RAB8A: variants seen among roughly 807,000 people sequenced by gnomAD.
The protein encoded by RAB8A is ras-related protein Rab-8A.
In RAB8A, 5 loss-of-function variants were observed where a neutral mutation model predicts 29.2. That is an observed-to-expected ratio of 0.17 (90% CI 0.09 to 0.36). The LOEUF is 0.36. RAB8A is among the 10% of genes least tolerant of loss of function. The pLI is 1.00. For missense variants in RAB8A, 171 were observed against 272.2 expected (o/e 0.63, Z 2.62); for synonymous variants, 108 against 99.9 (o/e 1.08, Z -0.49).
Position 16,127,500 on chromosome 19 carries a change from C to A in RAB8A, c.388C>A (p.Gln130Lys). The A allele has an allele frequency of 6.5e-7, 1 of 1,541,558 alleles. No individual in the cohort carries two copies. Among genetic ancestry groups the A allele is most frequent in the Non-Finnish European group, 8.7e-7 (1 of 1,147,870 alleles). ...CAAGTGTGATGTGAATGACAAGAGA[C>A]AAGTTTCCAAGGAACGGGGAGAAAA... ...GNKCDVNDKRQVSKERGEKLA... is the reference protein window; with the variant it reads ...GNKCDVNDKRKVSKERGEKLA... Residue 130 changes from glutamine (Q) to lysine (K), a missense_variant, in exon 5 of 8, where the codon CAA (glutamine) becomes AAA (lysine). Physicochemically the swap from Gln to Lys is moderately conservative, Grantham distance 53. Transcript: ENST00000300935. This position sits in a 1 kb window ranked among gnomAD's most constrained non-coding sequence, Gnocchi z 4.8.
intron 1 of RAB8A, among the ~76,000 whole-genome samples, chr19:16,114,924 A>G (rs1337289121): frequency 1.3e-5 from 2 of 148,942 alleles, no homozygotes; most frequent in Non-Finnish European, 3.0e-5. Flanking sequence ...CATAAAGTTT[A>G]CACTTCCTAA....
intron 1 of RAB8A, among the ~76,000 whole-genome samples, chr19:16,116,389 T>TA (rs908216422): frequency 1.1e-4 from 17 of 151,434 alleles, no homozygotes; most frequent in East Asian, 3.8e-4. Context: ...AAAGAGGCTT[T>TA]AAAAAAAAAT....
At chr19:16,131,581 AGATG>A (rs1285036367) in intron 7 of RAB8A, among the ~76,000 whole-genome samples, 3 of 146,788 alleles carry the variant, frequency 2.0e-5, no homozygotes, top group Non-Finnish European at 3.0e-5. Context: ...GGGGGGAAGG[AGATG>A]GATGGGTGGA....
intron 6 of RAB8A, 29 bp from the exon 7 acceptor site, chr19:16,129,525 C>T: frequency 1.9e-6 from 3 of 1,612,564 alleles, no homozygotes; most frequent in Non-Finnish European, 2.5e-6. Flanking sequence ...CCTGCCATCC[C>T]AAGGACTCAC....
chr19:16,114,919 A>T (rs1277274780), intron 1 of RAB8A, among the ~76,000 whole-genome samples: 5 of 151,990 alleles, frequency 3.3e-5, no homozygotes, highest in Non-Finnish European at 5.9e-5. Flanking sequence ...GGCCTCATAA[A>T]GTTTACACTT....
chr19:16,130,849 A>C (rs2090921748), intron 7 of RAB8A, among the ~76,000 whole-genome samples: 1 of 151,446 alleles, frequency 6.6e-6, no homozygotes, highest in South Asian at 2.1e-4. Flanking sequence ...TTTGAGAAGG[A>C]GTCTCGCTCT....
chr19:16,121,676 A>G (rs979145913), intron 2 of RAB8A, 74 bp from the exon 3 acceptor site: 39 of 1,372,676 alleles, frequency 2.8e-5, no homozygotes, highest in African/African-American at 4.3e-5. Flanking sequence ...CATCCCGGGT[A>G]GATGCTCCTT....
At chr19:16,131,571 G>C (rs555938923) in intron 7 of RAB8A, among the ~76,000 whole-genome samples, 1 of 151,532 alleles carries the variant, frequency 6.6e-6, no homozygotes, top group East Asian at 1.9e-4. Context: ...GAGGGTGGAT[G>C]GGGGGAAGGA....
In RAB8A at chr19:16,125,781, G is replaced by A. The variant is rs2090898036; in HGVS notation, c.324+234G>A. On this transcript the variant is annotated intron_variant, in intron 4 of 7. Transcript: ENST00000300935. The surrounding 1 kb of genome is among the most constrained non-coding windows in gnomAD (Gnocchi z 5.0). Reference sequence around the variant, plus strand: ...CGGAGCCCATCCCTCCAGCTAGGCTGTTGGATCTGGCCAGTGTCATGGTTA... The same window carrying A: ...CGGAGCCCATCCCTCCAGCTAGGCTATTGGATCTGGCCAGTGTCATGGTTA... The A allele has an allele frequency of 3.0e-6, 2 of 656,150 alleles. No homozygotes were observed. The highest frequency in any genetic ancestry group is 2.8e-6 in the Non-Finnish European group (1 of 356,200). 40.6% of individuals were successfully genotyped at this position (656,150 alleles called of 1,614,324 possible). A position where few individuals can be genotyped will look rare whatever the true frequency, so the allele number is the denominator to read the frequency against.
At position 16,132,586 on chromosome 19, in the gene RAB8A, C is replaced by T. The variant is rs571296177; in HGVS notation, c.*282C>T. On this transcript the variant is annotated 3_prime_UTR_variant, in exon 8 of 8. Transcript: ENST00000300935. This position sits in a 1 kb window ranked among gnomAD's most constrained non-coding sequence, Gnocchi z 5.6. ...GTATATTCAGAGAGAGAGAGGGAGT[C>T]AAGGTGTGACCGTCGACCACAGCCA... is the stretch of plus-strand genomic sequence containing the variant. The T allele has an allele frequency of 1.4e-5, 6 of 424,010 alleles. No homozygotes were observed. The highest frequency in any genetic ancestry group is 1.2e-4 in the African/African-American group (6 of 49,044). 26.3% of individuals were successfully genotyped at this position (424,010 alleles called of 1,614,324 possible).
At position 16,128,059 on chromosome 19, in the gene RAB8A, A is replaced by G. The variant is rs2090909559; in HGVS notation, c.448A>G (p.Thr150Ala). 6.2e-7 allele frequency: 1 copy of G among 1,614,062 alleles called. No individual in the cohort carries two copies. The highest frequency in any genetic ancestry group is 8.5e-7 in the Non-Finnish European group (1 of 1,179,990). The change falls in exon 6 of 8, where the codon ACC becomes GCC. Residue 150 changes from threonine (T) to alanine (A), a missense_variant. Coordinates refer to ENST00000300935, the MANE Select transcript of RAB8A (RefSeq NM_005370.5). Reference sequence around the variant, plus strand: ...CGACTATGGAATCAAGTTCATGGAGACCAGCGCGAAGGCCAACATCAATGT... The same window carrying G: ...CGACTATGGAATCAAGTTCATGGAGGCCAGCGCGAAGGCCAACATCAATGT... ...ALDYGIKFME[T>A]SAKANINVEN... is the part of the protein sequence containing the mutation.
chr19:16,111,950 T>A lies in RAB8A; in HGVS notation c.49T>A (p.Ser17Thr), dbSNP rs1181766596. The A allele has an allele frequency of 1.2e-6, 2 of 1,613,900 alleles. No individual in the cohort carries two copies. The highest frequency in any genetic ancestry group is 2.7e-5 in the African/African-American group (2 of 74,912). Residue 17 changes from serine (S) to threonine (T), a missense_variant, in exon 1 of 8, where the codon TCG (serine) becomes ACG (threonine). Ser to Thr is a moderately conservative substitution (Grantham distance 58). This residue lies in a region of RAB8A where 26 missense variants were observed against 42.9 expected (regional missense o/e 0.61). Coordinates refer to ENST00000300935, the MANE Select transcript of RAB8A (RefSeq NM_005370.5). ...GTTCAAGCTGCTGCTGATCGGGGAC[T>A]CGGGGGTGGGGAAGACCTGTGTCCT... ...YLFKLLLIGD[S>T]GVGKTCVLFR...
At chr19:16,131,207 A>G (rs1390611481) in intron 7 of RAB8A, among the ~76,000 whole-genome samples, 1 of 152,188 alleles carries the variant, frequency 6.6e-6, no homozygotes, top group East Asian at 1.9e-4. Flanking sequence ...CTTCTGCCTC[A>G]GCCTCCCAAA....
intron 1 of RAB8A, chr19:16,112,537 C>T (rs2090829222): frequency 6.1e-6 from 1 of 162,898 alleles, no homozygotes; most frequent in Non-Finnish European, 1.4e-5. Flanking sequence ...ATCTGAGGCT[C>T]AGGGAGGGCA....
At chr19:16,115,093 A>C (rs1448318062) in intron 1 of RAB8A, among the ~76,000 whole-genome samples, 1 of 152,178 alleles carries the variant, frequency 6.6e-6, no homozygotes, top group Non-Finnish European at 1.5e-5. Flanking sequence ...TGGGCTGTCT[A>C]GTCCTGAAGC....
rs200560717 is a variant in RAB8A, at chr19:16,132,077, TTTGGTTGG to T, written c.532-114_532-107del. ...TTGGCTGGTTTGATTGGTTTGGTTG[TTTGGTTGG>T]TTGGTTGGTTGGTTGGTTGGATGGT... On this transcript the variant is annotated intron_variant, in intron 7 of 7. Transcript: ENST00000300935. The surrounding 1 kb of genome is among the most constrained non-coding windows in gnomAD (Gnocchi z 5.6). 1.7e-4 allele frequency: 118 copies of T among 674,304 alleles called. No individual in the cohort carries two copies. Among genetic ancestry groups the T allele is most frequent in the African/African-American group, 1.4e-3 (75 of 54,310 alleles). The allele number at this position is 674,304 out of a possible 1,614,324, so 41.8% of individuals were successfully genotyped here.
intron 7 of RAB8A, among the ~76,000 whole-genome samples, chr19:16,130,779 T>C (rs1401312666): frequency 2.6e-5 from 4 of 151,506 alleles, no homozygotes; most frequent in Non-Finnish European, 5.9e-5. Flanking sequence ...GCCTCCCAAG[T>C]AGCTGGGGCT....
At chr19:16,124,204 G>C (rs2090887400) in intron 3 of RAB8A, 1 of 152,230 alleles carries the variant, frequency 6.6e-6, no homozygotes, top group Admixed American at 6.5e-5. Flanking sequence ...GCAGCCTTGA[G>C]GTTCTTCGCC....
rs116458890 is a variant in RAB8A at position 16,131,171 on chromosome 19, A to G, written c.532-1041A>G. 3.3e-3 allele frequency among the ~76,000 whole-genome samples: 501 copies of G among 150,546 alleles called. 1 individual carries two copies. Among genetic ancestry groups the G allele is most frequent in the African/African-American group, 0.012 (486 of 40,998 alleles). On this transcript the variant is annotated intron_variant, in intron 7 of 7. Coordinates refer to ENST00000300935, the MANE Select transcript of RAB8A (RefSeq NM_005370.5). Reference sequence around the variant, plus strand: ...GGATCTCACTTGTTACCCAGGCTGGACTCAAACTCCTGGGCTCAAGCAGTT... The same window carrying G: ...GGATCTCACTTGTTACCCAGGCTGGGCTCAAACTCCTGGGCTCAAGCAGTT...
Sources: gnomAD v4.1 joint callset for allele counts (sites outside exome capture counted in the v4.1 genomes callset) on GRCh38, gnomAD v4.1.1 for gene constraint, gnomAD v4.1.1 regional missense constraint, Gnocchi (gnomAD v3.1) non-coding constraint, MANE v1.5 for transcripts, NCBI Gene and HGNC (gene_info 2026-07-23, HGNC 2026-07-21) for gene names.